KCNIP4: variants seen among roughly 807,000 people sequenced by gnomAD.
KCNIP4 encodes the protein potassium voltage-gated channel interacting protein 4, also known as Kv channel-interacting protein 4.
In KCNIP4, 12 loss-of-function variants were observed where a neutral mutation model predicts 34.0. The ratio of observed to expected loss-of-function variants is 0.35; its 90% confidence interval spans 0.23 to 0.57. KCNIP4 has a LOEUF of 0.57. Ranked by LOEUF, KCNIP4 falls within the 20% of genes least tolerant of loss-of-function variation. The pLI, the probability that KCNIP4 is intolerant of heterozygous loss-of-function variation, is 0.83. For synonymous variants in KCNIP4, 124 were observed against 102.2 expected (o/e 1.21, Z -1.29); for missense variants, 238 against 311.7 (o/e 0.76, Z 1.78).
chr4:21,049,446 C>G (rs922174668), intron 1 of KCNIP4, among the ~76,000 whole-genome samples: 1 of 152,186 alleles, frequency 6.6e-6, no homozygotes, highest in Admixed American at 6.5e-5. Flanking sequence ...CTGACCCTTG[C>G]ATGTTCAACC....
At chr4:21,048,212 A>AT (rs1407753690) in intron 1 of KCNIP4, among the ~76,000 whole-genome samples, 9 of 152,168 alleles carry the variant, frequency 5.9e-5, no homozygotes, top group South Asian at 2.1e-4. Context: ...ATCATAATAA[A>AT]TTTTTTTGTG....
At chr4:20,964,950 G>T (rs1263732351) in intron 1 of KCNIP4, among the ~76,000 whole-genome samples, 1 of 151,918 alleles carries the variant, frequency 6.6e-6, no homozygotes, top group East Asian at 1.9e-4. Context: ...TAGTGTACGG[G>T]TTCAGGAAGA....
intron 1 of KCNIP4, among the ~76,000 whole-genome samples, chr4:21,786,090 A>G (rs1287261805): frequency 1.3e-5 from 2 of 152,298 alleles, no homozygotes; most frequent in African/African-American, 2.4e-5. Flanking sequence ...CTGGGACTAC[A>G]GGCGTGCGCC....
At chr4:21,842,270 T>C (rs1468554113) in intron 1 of KCNIP4, among the ~76,000 whole-genome samples, 1 of 152,144 alleles carries the variant, frequency 6.6e-6, no homozygotes, top group Non-Finnish European at 1.5e-5. Flanking sequence ...TCCTCATACC[T>C]TATTACTAAT....
chr4:20,759,750 AT>A (rs1192656640), intron 3 of KCNIP4, among the ~76,000 whole-genome samples: 1 of 152,148 alleles, frequency 6.6e-6, no homozygotes, highest in African/African-American at 2.4e-5. Flanking sequence ...AAATTCCTCC[AT>A]TTTTTGGAGT....
intron 1 of KCNIP4, among the ~76,000 whole-genome samples, chr4:21,233,023 G>A (rs1191820618): frequency 6.6e-6 from 1 of 152,152 alleles, no homozygotes; most frequent in East Asian, 1.9e-4. Flanking sequence ...TCAGAGACAA[G>A]AAGCATTCCA....
intron 1 of KCNIP4, among the ~76,000 whole-genome samples, chr4:21,717,905 A>G (rs1379149589): frequency 6.6e-6 from 1 of 152,162 alleles, no homozygotes; most frequent in Non-Finnish European, 1.5e-5. Context: ...GACCTATGGT[A>G]CCCAGTTGGC....
chr4:21,584,638 A>T (rs1741479453), intron 1 of KCNIP4, among the ~76,000 whole-genome samples: 2 of 152,106 alleles, frequency 1.3e-5, no homozygotes, highest in African/African-American at 4.8e-5. Flanking sequence ...CTTTAGAGAG[A>T]GCAAGGCTCA....
At chr4:21,098,080 C>T (rs1747617497) in intron 1 of KCNIP4, among the ~76,000 whole-genome samples, 1 of 152,152 alleles carries the variant, frequency 6.6e-6, no homozygotes, top group Non-Finnish European at 1.5e-5. Context: ...CCACGATATT[C>T]CCTTAAGCCA....
rs540881280 is a variant in KCNIP4, at chr4:20,882,560, C to A, written c.163+48G>T. Reference sequence around the variant, plus strand: ...GGCAATGCATGCAGGCCTAAAGAAACGAAACAAGAGTTTCGGAGGAAAAAA... The same window carrying A: ...GGCAATGCATGCAGGCCTAAAGAAAAGAAACAAGAGTTTCGGAGGAAAAAA... On this transcript the variant is annotated intron_variant, in intron 2 of 8. Coordinates refer to ENST00000382152, the MANE Select transcript of KCNIP4 (RefSeq NM_025221.6). 5.1e-6 allele frequency: 7 copies of A among 1,377,966 alleles called. No homozygotes were observed. The East Asian group carries it at 6.9e-5, about 14-fold the overall frequency. 85.4% of individuals were successfully genotyped at this position (1,377,966 alleles called of 1,614,324 possible). A position where few individuals can be genotyped will look rare whatever the true frequency, so the allele number is the denominator to read the frequency against.
intron 1 of KCNIP4, among the ~76,000 whole-genome samples, chr4:21,228,329 C>T (rs562512407): frequency 1.3e-5 from 2 of 152,272 alleles, no homozygotes; most frequent in East Asian, 3.9e-4. Context: ...CACGGTAAAA[C>T]ATGATTGCTT....
At chr4:21,701,233 G>A (rs1712810669) in intron 1 of KCNIP4, among the ~76,000 whole-genome samples, 1 of 152,090 alleles carries the variant, frequency 6.6e-6, no homozygotes, top group Non-Finnish European at 1.5e-5. Context: ...AGAGTAGAAT[G>A]GTATTTACCA....
At chr4:21,715,419 C>T (rs771675776) in intron 1 of KCNIP4, among the ~76,000 whole-genome samples, 6 of 152,012 alleles carry the variant, frequency 3.9e-5, no homozygotes, top group South Asian at 2.1e-4. Context: ...TGTGAGCCAC[C>T]GCGCCCAGCC....
chr4:21,681,368 A>G (rs547520956), intron 1 of KCNIP4, among the ~76,000 whole-genome samples: 1 of 151,958 alleles, frequency 6.6e-6, no homozygotes, highest in Non-Finnish European at 1.5e-5. Flanking sequence ...TGGCCTCCCA[A>G]AGTGTTGGGA....
At chr4:21,831,663 C>CAAAAAAAAAAAAAAAAAAAAAAAA (rs141374886) in intron 1 of KCNIP4, among the ~76,000 whole-genome samples, 1 of 73,232 alleles carries the variant, frequency 1.4e-5, no homozygotes, top group African/African-American at 5.8e-5. Flanking sequence ...CATTTTTCAT[C>CAAAAAAAAAAAAAAAAAAAAAAAA]AAAAAAAAAA....
In KCNIP4 at chr4:21,214,483, GT is replaced by G. The variant is rs145523254; in HGVS notation, c.62-331775del. ...CCTATTTTTACTACCTAAAATAAAG[GT>G]TTTTCATAACTTACTGTTAAATGAT... is the stretch of plus-strand genomic sequence containing the variant. On this transcript the variant is annotated intron_variant, in intron 1 of 8. Transcript: ENST00000382152. Among the ~76,000 whole-genome samples the G allele has an allele frequency of 4.1e-4, 62 of 152,248 alleles. 2 individuals carry two copies. In the East Asian group the frequency reaches 0.011, roughly 27 times the overall value.
intron 1 of KCNIP4, among the ~76,000 whole-genome samples, chr4:21,262,422 T>A (rs1231943910): frequency 6.6e-6 from 1 of 152,206 alleles, no homozygotes; most frequent in Non-Finnish European, 1.5e-5. Flanking sequence ...CTGAAGTGGC[T>A]GTGGATTTGT....
intron 1 of KCNIP4, among the ~76,000 whole-genome samples, chr4:21,229,724 C>A (rs531373528): frequency 6.6e-6 from 1 of 152,068 alleles, no homozygotes; most frequent in South Asian, 2.1e-4. Context: ...TCATTGGAGG[C>A]GAGAGTAAAA....
intron 1 of KCNIP4, among the ~76,000 whole-genome samples, chr4:21,166,648 TGA>T (rs1298414225): frequency 6.6e-6 from 1 of 151,946 alleles, no homozygotes; most frequent in African/African-American, 2.4e-5. Flanking sequence ...CAACAAGAAG[TGA>T]GTGGATGGCC....
Sources: gnomAD v4.1 joint callset for allele counts (sites outside exome capture counted in the v4.1 genomes callset) on GRCh38, gnomAD v4.1.1 for gene constraint, MANE v1.5 for transcripts, NCBI Gene and HGNC (gene_info 2026-07-23, HGNC 2026-07-21) for gene names.